The following FOXJ3 variants were observed in gnomAD, a reference collection of about 807,000 sequenced individuals.
The protein encoded by FOXJ3 is forkhead box protein J3.
FOXJ3 carries 22 observed loss-of-function variants against 76.1 expected under a neutral mutation model. The ratio of observed to expected loss-of-function variants is 0.29; its 90% CI spans 0.21 to 0.41. The LOEUF is 0.41. Among genes scored for constraint, FOXJ3 ranks in the 10% least tolerant of loss-of-function variants. The pLI is 1.00. For synonymous variants in FOXJ3, 269 were observed against 261.2 expected, an observed-to-expected ratio of 1.03 and a Z score of -0.29; for missense variants, 613 against 762.1, an observed-to-expected ratio of 0.80 and a Z score of 2.30.
At chr1:42,296,572 T>C (rs1653803432) in intron 2 of FOXJ3, among the ~76,000 whole-genome samples, 1 of 152,200 alleles carries the variant, frequency 6.6e-6, no homozygotes, top group African/African-American at 2.4e-5. Flanking sequence ...ATGTCCTTTC[T>C]CCACTGTTTA....
chr1:42,252,857 T>C (rs1218634156), intron 4 of FOXJ3, among the ~76,000 whole-genome samples: 2 of 151,398 alleles, frequency 1.3e-5, no homozygotes, highest in Admixed American at 1.3e-4. Flanking sequence ...GCCAGTATCA[T>C]ACTGAATGGG....
chr1:42,324,410 A>C (rs1463939113), intron 1 of FOXJ3, among the ~76,000 whole-genome samples: 1 of 148,332 alleles, frequency 6.7e-6, no homozygotes, highest in Admixed American at 6.8e-5. Context: ...TACTATATAT[A>C]ACATATAAAT....
At position 42,178,875 on chromosome 1, in the gene FOXJ3, CAATA is replaced by C. The variant is rs1450601898; in HGVS notation, c.*831_*834del. On this transcript the variant is annotated 3_prime_UTR_variant, in exon 13 of 13. Coordinates refer to ENST00000361346, the MANE Select transcript of FOXJ3 (RefSeq NM_014947.5). ...GGAGCTAAGCATTCACAGAAGGTAG[CAATA>C]AATATTAAAATGACACTTTTGAATA... 3.3e-5 allele frequency: 5 copies of C among 152,608 alleles called. No homozygotes were observed. The highest frequency in any genetic ancestry group is 1.2e-4 in the African/African-American group (5 of 41,440). 9.5% of individuals were successfully genotyped at this position (152,608 alleles called of 1,614,324 possible). A position where few individuals can be genotyped will look rare whatever the true frequency, so the allele number is the denominator to read the frequency against.
intron 1 of FOXJ3, among the ~76,000 whole-genome samples, chr1:42,333,144 C>T (rs551442288): frequency 6.6e-6 from 1 of 152,082 alleles, no homozygotes; most frequent in East Asian, 1.9e-4. Flanking sequence ...TTCCACTGCC[C>T]CACCCATACT....
intron 1 of FOXJ3, chr1:42,323,591 A>T: frequency 2.3e-6 from 1 of 435,854 alleles, no homozygotes; most frequent in Non-Finnish European, 3.1e-6. Context: ...TTTTGTCATC[A>T]TCATAAGCAA....
chr1:42,205,692 CATT>C (rs1452416279), intron 6 of FOXJ3, 67 bp downstream of exon 6: 2 of 882,596 alleles, frequency 2.3e-6, no homozygotes, highest in African/African-American at 1.7e-5. Context: ...AGGATTCTAT[CATT>C]ATTACAAAGG....
intron 1 of FOXJ3, among the ~76,000 whole-genome samples, chr1:42,331,072 G>A (rs549681820): frequency 2.6e-4 from 40 of 152,218 alleles, no homozygotes; most frequent in Non-Finnish European, 5.0e-4. Context: ...TGAAAATGGG[G>A]AGGAGTTTAA....
In FOXJ3 at chr1:42,335,180, G is replaced by C. The variant is rs563863688; in HGVS notation, c.-139C>G. ...CGGTCGAGGCCCCGAGCAGCCCCGA[G>C]AGCGGCGGCGGCAGCAAGAGCAGCC... On this transcript the variant is annotated 5_prime_UTR_variant, in exon 1 of 13. Coordinates refer to ENST00000361346, the MANE Select transcript of FOXJ3 (RefSeq NM_014947.5). 1.3e-5 allele frequency: 2 copies of C among 152,144 alleles called. No homozygotes were observed. The highest frequency in any genetic ancestry group is 2.9e-5 in the Non-Finnish European group (2 of 68,044). The allele number at this position is 152,144 out of a possible 1,614,324, so 9.4% of individuals were successfully genotyped here. A position where few individuals can be genotyped will look rare whatever the true frequency, so the allele number is the denominator to read the frequency against.
At chr1:42,267,291 G>A (rs377016607) in intron 3 of FOXJ3, among the ~76,000 whole-genome samples, 2 of 152,000 alleles carry the variant, frequency 1.3e-5, no homozygotes, top group African/African-American at 2.4e-5. Flanking sequence ...AAAAAGGTGG[G>A]CAGAGACAAC....
intron 2 of FOXJ3, among the ~76,000 whole-genome samples, chr1:42,308,761 T>C (rs1180794916): frequency 6.6e-6 from 1 of 152,176 alleles, no homozygotes; most frequent in Non-Finnish European, 1.5e-5. Context: ...GAGTAAATTA[T>C]AACATAACTT....
At chr1:42,227,254 G>C (rs963080859) in intron 5 of FOXJ3, among the ~76,000 whole-genome samples, 3 of 152,212 alleles carry the variant, frequency 2.0e-5, no homozygotes, top group Non-Finnish European at 4.4e-5. Context: ...GTGTTTGTAT[G>C]TTTTAGTTGA....
chr1:42,264,111 G>C (rs960923187), intron 4 of FOXJ3, among the ~76,000 whole-genome samples: 3 of 150,816 alleles, frequency 2.0e-5, no homozygotes, highest in African/African-American at 7.3e-5. Flanking sequence ...TGAAGTATGG[G>C]GAAACAAAAA....
intron 2 of FOXJ3, among the ~76,000 whole-genome samples, chr1:42,284,297 G>T (rs1001104917): frequency 1.3e-5 from 2 of 152,116 alleles, no homozygotes; most frequent in Non-Finnish European, 2.9e-5. Context: ...GAATTTGGTC[G>T]AACTGTTATC....
intron 5 of FOXJ3, among the ~76,000 whole-genome samples, chr1:42,210,109 T>G (rs561606033): frequency 2.6e-5 from 4 of 152,214 alleles, no homozygotes; most frequent in African/African-American, 9.6e-5. Flanking sequence ...GGGAGCTGAG[T>G]GGGGCTTAAT....
intron 4 of FOXJ3, among the ~76,000 whole-genome samples, chr1:42,237,425 T>TATATATATATATAC (rs1230334965): frequency 1.5e-5 from 2 of 137,484 alleles, no homozygotes; most frequent in South Asian, 4.6e-4. Context: ...TATATATATA[T>TATATATATATATAC]ATACATACAT....
chr1:42,275,997 T>C (rs1040062222), intron 3 of FOXJ3, among the ~76,000 whole-genome samples: 10 of 152,218 alleles, frequency 6.6e-5, no homozygotes, highest in African/African-American at 2.2e-4. Context: ...AACTCATCTT[T>C]TCAGAAGAAT....
At chr1:42,280,694 GA>G (rs1286123549) in intron 2 of FOXJ3, among the ~76,000 whole-genome samples, 1 of 152,096 alleles carries the variant, frequency 6.6e-6, no homozygotes, top group Non-Finnish European at 1.5e-5. Context: ...CCAGAGCCCA[GA>G]TCTCCTGATA....
chr1:42,242,056 C>T (rs1056274293), intron 4 of FOXJ3, among the ~76,000 whole-genome samples: 1 of 152,090 alleles, frequency 6.6e-6, no homozygotes, highest in Non-Finnish European at 1.5e-5. Context: ...GCTACATACA[C>T]CCAGAATCAA....
chr1:42,250,434 C>A (rs1007951753), intron 4 of FOXJ3, among the ~76,000 whole-genome samples: 5 of 152,138 alleles, frequency 3.3e-5, no homozygotes, highest in African/African-American at 1.2e-4. Context: ...TATTAAATAA[C>A]TGGTCAGGGA....
Sources: gnomAD v4.1 joint callset for allele counts (sites outside exome capture counted in the v4.1 genomes callset) on GRCh38, gnomAD v4.1.1 for gene constraint, MANE v1.5 for transcripts, NCBI Gene and HGNC (gene_info 2026-07-23, HGNC 2026-07-21) for gene names.